Variants in GLUL observed in about 807,000 individuals in gnomAD.
GLUL encodes glutamate-ammonia ligase, also known as glutamine synthetase.
GLUL carries 8 observed loss-of-function variants against 36.9 expected under a neutral mutation model. That is an observed-to-expected ratio of 0.22 (90% CI 0.13 to 0.39). The LOEUF is 0.39. Among genes scored for constraint, GLUL ranks in the 10% least tolerant of loss-of-function variants. The pLI, the probability that GLUL is intolerant of heterozygous loss-of-function variation, is 1.00. For missense variants in GLUL, 315 were observed against 501.8 expected (o/e 0.63, Z 3.56); for synonymous variants, 182 against 172.8 (o/e 1.05, Z -0.42).
intron 1 of GLUL, chr1:182,391,395 C>G: frequency 1.3e-5 from 5 of 396,562 alleles, no homozygotes; most frequent in Middle Eastern, 1.3e-3. Context: ...GCGCTTCGGC[C>G]GCAAGTAGTG....
Position 182,384,495 on chromosome 1 carries a change from G to A in GLUL, c.1032C>T (p.Ala344=), listed in dbSNP as rs1650083477. ...CTGTCACCGAAAAGGGGTCGCAGTTGGCAGAGGGGCGACGATCTTCAAAGT... is the reference window on the plus strand; with the variant it reads ...CTGTCACCGAAAAGGGGTCGCAGTTAGCAGAGGGGCGACGATCTTCAAAGT... ...KGYFEDRRPS[A]NCDPFSVTEA... is the part of the protein sequence containing the mutation. Residue 344 remains alanine (A), a synonymous_variant, in exon 7 of 7, where the codon GCC becomes GCT. Coordinates refer to ENST00000331872, the MANE Select transcript of GLUL (RefSeq NM_001033044.4). 4 of 1,613,824 alleles carry A rather than the reference G, an allele frequency of 2.5e-6. No individual in the cohort carries two copies. The highest frequency in any genetic ancestry group is 3.4e-6 in the Non-Finnish European group (4 of 1,179,738).
intron 2 of GLUL, among the ~76,000 whole-genome samples, 158 bp downstream of exon 2, chr1:182,388,414 G>T (rs1007032057): frequency 1.3e-5 from 2 of 152,150 alleles, no homozygotes; most frequent in African/African-American, 4.8e-5. Context: ...GGCAGTGTAG[G>T]AGCTTAATGT....
intron 3 of GLUL, 164 bp downstream of exon 3, chr1:182,386,967 A>C: frequency 1.4e-6 from 1 of 697,372 alleles, no homozygotes; most frequent in South Asian, 1.5e-5. Context: ...GGGCCATATT[A>C]TCTCTTCCTC....
In GLUL at chr1:182,380,717, A is replaced by T. The variant is rs1247296854; in HGVS notation, c.*3688T>A. Among the ~76,000 whole-genome samples, 1 of 152,268 alleles carries T rather than the reference A, an allele frequency of 6.6e-6. No homozygotes were observed. Among genetic ancestry groups the T allele is most frequent in the African/African-American group, 2.4e-5 (1 of 41,466 alleles). On this transcript the variant is annotated 3_prime_UTR_variant, in exon 7 of 7. Transcript: ENST00000331872. ...GCTCACAAAACTGATACTTAAAAAT[A>T]ACTTATTAAATAAGTATTGCAGGCA...
At chr1:182,386,946 C>A (rs1385173883) in intron 3 of GLUL, 185 bp downstream of exon 3, 1 of 661,626 alleles carries the variant, frequency 1.5e-6, no homozygotes, top group African/African-American at 1.8e-5. Context: ...CAGAGAAGAC[C>A]ATAGAAAGAT....
At chr1:182,386,122 G>T (rs957662125) in intron 4 of GLUL, 134 bp downstream of exon 4, 22 of 965,796 alleles carry the variant, frequency 2.3e-5, no homozygotes, top group Non-Finnish European at 3.7e-5. Context: ...GGACTTTGGT[G>T]ATGTGAGGGC....
At position 182,387,249 on chromosome 1, in the gene GLUL, A is replaced by G; in HGVS notation, c.210T>C (p.Ser70=). ...WNFDGSSTLQ[S]EGSNSDMYLV... is the part of the protein sequence containing the mutation. ...GATACATGTCACTGTTGGAACCCTC[A>G]GACTGTAAAGTACTAGAGCCATCGA... The change falls in exon 3 of 7, where the codon TCT becomes TCC. Residue 70 remains serine, a synonymous_variant. Coordinates refer to ENST00000331872, the MANE Select transcript of GLUL (RefSeq NM_001033044.4). The G allele has an allele frequency of 6.2e-7, 1 of 1,613,240 alleles. No individual in the cohort carries two copies. Among genetic ancestry groups the G allele is most frequent in the Non-Finnish European group, 8.5e-7 (1 of 1,179,190 alleles).
rs759752985 is a variant in GLUL, at chr1:182,381,466, C to T, written c.*2939G>A. Among the ~76,000 whole-genome samples the T allele has an allele frequency of 2.0e-5, 3 of 152,126 alleles. No homozygotes were observed. Among genetic ancestry groups the T allele is most frequent in the Non-Finnish European group, 2.9e-5 (2 of 68,038 alleles). ...AAGCTTGGTCATTATTCTGTTTAAT[C>T]TATCACTGATAAAAGTTATCACATA... On this transcript the variant is annotated 3_prime_UTR_variant, in exon 7 of 7. Transcript: ENST00000331872.
At position 182,378,830 on chromosome 1, in the gene GLUL, T is replaced by A. The variant is rs1222034517; in HGVS notation, c.*5575A>T. Reference sequence around the variant, plus strand: ...TCACACTCTGTTGCCTAGGCTGGAGTGCAATGGTGCAAGCTTGGCTCACTG... The same window carrying A: ...TCACACTCTGTTGCCTAGGCTGGAGAGCAATGGTGCAAGCTTGGCTCACTG... On this transcript the variant is annotated 3_prime_UTR_variant, in exon 7 of 7. Transcript: ENST00000331872. Among the ~76,000 whole-genome samples the A allele has an allele frequency of 6.6e-6, 1 of 152,104 alleles. No homozygotes were observed. Among genetic ancestry groups the A allele is most frequent in the Admixed American group, 6.6e-5 (1 of 15,266 alleles).
At chr1:182,390,832 GC>G (rs1650382706) in intron 1 of GLUL, 4 of 399,112 alleles carry the variant, frequency 1.0e-5, no homozygotes, top group African/African-American at 8.2e-5. Flanking sequence ...TCGTGGACTT[GC>G]GGCTGGGGGA....
rs1316320809 is a variant in GLUL, at chr1:182,384,173, C to G, written c.*232G>C. 2 of 524,218 alleles carry G rather than the reference C, an allele frequency of 3.8e-6. No individual in the cohort carries two copies. Among genetic ancestry groups the G allele is most frequent in the East Asian group, 7.1e-5 (2 of 28,118 alleles). 32.5% of individuals were successfully genotyped at this position (524,218 alleles called of 1,614,324 possible). ...CCCCACCCTCCTCCCCACTAATGCA[C>G]TAAAAAGCTTCAGTGATAGGGAAAA... On this transcript the variant is annotated 3_prime_UTR_variant, in exon 7 of 7. Coordinates refer to ENST00000331872, the MANE Select transcript of GLUL (RefSeq NM_001033044.4).
chr1:182,385,706 G>C (rs777101443), intron 5 of GLUL, 54 bp downstream of exon 5: 4 of 1,607,498 alleles, frequency 2.5e-6, no homozygotes, highest in Non-Finnish European at 3.4e-6. Context: ...ACTAGCAAAA[G>C]TCCTATGTAC....
intron 2 of GLUL, among the ~76,000 whole-genome samples, chr1:182,387,680 T>A (rs893044801): frequency 6.6e-6 from 1 of 152,228 alleles, no homozygotes; most frequent in Non-Finnish European, 1.5e-5. Context: ...CCCCAGTGTA[T>A]TCTGGCAAGT....
Position 182,383,709 on chromosome 1 carries a change from CCATA to C in GLUL, c.*692_*695del, listed in dbSNP as rs919821298. On this transcript the variant is annotated 3_prime_UTR_variant, in exon 7 of 7. Transcript: ENST00000331872. ...AGCAAAACACACATAATCCACAAAA[CCATA>C]CATATAGTTTTTTGTCTTTACATTT... 2.0e-5 allele frequency: 3 copies of C among 152,258 alleles called. No homozygotes were observed. Among genetic ancestry groups the C allele is most frequent in the African/African-American group, 7.2e-5 (3 of 41,420 alleles). 9.4% of individuals were successfully genotyped at this position (152,258 alleles called of 1,614,324 possible). A position where few individuals can be genotyped will look rare whatever the true frequency, so the allele number is the denominator to read the frequency against.
Position 182,385,778 on chromosome 1 carries a change from G to T in GLUL, c.585C>A (p.Ala195=). 1 of 1,614,120 alleles carries T rather than the reference G, an allele frequency of 6.2e-7. No homozygotes were observed. The highest frequency in any genetic ancestry group is 8.5e-7 in the Non-Finnish European group (1 of 1,180,010). The part of the protein sequence containing the change: ...YAGVKIAGTN[A]EVMPAQWEFQ... ...TACTTACCTGGGCAGGCATGACCTC[G>T]GCATTAGTCCCCGCAATCTTGACTC... The change falls in exon 5 of 7, where the codon GCC becomes GCA. Residue 195 remains alanine (A), a synonymous_variant. Coordinates refer to ENST00000331872, the MANE Select transcript of GLUL (RefSeq NM_001033044.4).
At chr1:182,390,674 C>A in intron 1 of GLUL, 1 of 399,338 alleles carries the variant, frequency 2.5e-6, no homozygotes, top group Non-Finnish European at 4.4e-6. Context: ...GGTGTCCGAA[C>A]AGGCAGGTTG....
chr1:182,385,736 T>C, intron 5 of GLUL, 24 bp downstream of exon 5: 1 of 1,613,834 alleles, frequency 6.2e-7, no homozygotes, highest in East Asian at 2.2e-5. Context: ...CCCTTCTTCA[T>C]TGATGGATTG....
chr1:182,386,059 TG>T, intron 4 of GLUL, 172 bp from the exon 5 acceptor site: 1 of 871,514 alleles, frequency 1.1e-6, no homozygotes, highest in East Asian at 2.4e-5. Flanking sequence ...ACAGCTTCAG[TG>T]GGGCCAAACG....
chr1:182,385,351 A>G lies in GLUL; in HGVS notation c.803+6T>C. The G allele has an allele frequency of 6.2e-7, 1 of 1,601,450 alleles. No homozygotes were observed. Among genetic ancestry groups the G allele is most frequent in the African/African-American group, 1.3e-5 (1 of 74,756 alleles). ...ATTAAAGATGGCCCCAGCAGAAGGT[A>G]CTCACTTCAGACCATTCTCCTCCCG... is the stretch of plus-strand genomic sequence containing the variant. On this transcript the variant is annotated splice_donor_region_variant and intron_variant, in intron 6 of 6. Transcript: ENST00000331872.
Sources: gnomAD v4.1 joint callset for allele counts (sites outside exome capture counted in the v4.1 genomes callset) on GRCh38, gnomAD v4.1.1 for gene constraint, MANE v1.5 for transcripts, NCBI Gene and HGNC (gene_info 2026-07-23, HGNC 2026-07-21) for gene names.